GMDS: variants seen among roughly 807,000 people sequenced by gnomAD.
The protein encoded by GMDS is GDP-mannose 4,6 dehydratase.
In GMDS, 20 loss-of-function variants were observed where a neutral mutation model predicts 49.9. That is an observed-to-expected ratio of 0.40 (90% confidence interval 0.28 to 0.58). The LOEUF (loss-of-function observed/expected upper bound fraction) is 0.58. Among genes scored for constraint, GMDS ranks in the 20% least tolerant of loss-of-function variants. GMDS has a pLI of 0.42. For missense variants in GMDS, 362 were observed against 481.4 expected, an observed-to-expected ratio of 0.75 and a Z score of 2.32; for synonymous variants, 177 against 178.6, an observed-to-expected ratio of 0.99 and a Z score of 0.07.
intron 4 of GMDS, among the ~76,000 whole-genome samples, chr6:2,093,307 T>C (rs1773422548): frequency 6.6e-6 from 1 of 152,142 alleles, no homozygotes; most frequent in Non-Finnish European, 1.5e-5. Flanking sequence ...AAAACACAAA[T>C]AAGTACAAAT....
intron 6 of GMDS, among the ~76,000 whole-genome samples, chr6:1,957,383 C>T (rs1484428513): frequency 6.6e-6 from 1 of 152,160 alleles, no homozygotes; most frequent in Admixed American, 6.5e-5. Flanking sequence ...TGGAAAACAA[C>T]ATTACTGTCA....
chr6:2,009,695 CT>C (rs1460762820), intron 4 of GMDS, among the ~76,000 whole-genome samples: 1 of 152,046 alleles, frequency 6.6e-6, no homozygotes, highest in African/African-American at 2.4e-5. Flanking sequence ...GAGATGAAAA[CT>C]GGTAAAGATA....
chr6:2,067,074 A>T (rs2127454556), intron 4 of GMDS, among the ~76,000 whole-genome samples: 1 of 151,662 alleles, frequency 6.6e-6, no homozygotes, highest in South Asian at 2.1e-4. Flanking sequence ...CTCTCAGACC[A>T]CAGTGCAATC....
chr6:1,926,788 T>C (rs1762029076), intron 7 of GMDS, among the ~76,000 whole-genome samples: 1 of 152,218 alleles, frequency 6.6e-6, no homozygotes, highest in Non-Finnish European at 1.5e-5. Context: ...AATTTAGACT[T>C]TGTTCAGAAC....
chr6:1,942,474 C>T (rs907415347), intron 6 of GMDS, among the ~76,000 whole-genome samples: 1 of 152,188 alleles, frequency 6.6e-6, no homozygotes, highest in African/African-American at 2.4e-5. Context: ...CCCAAGCTGG[C>T]CCAAAGCACC....
At chr6:1,909,309 T>C (rs1252660174) in intron 7 of GMDS, among the ~76,000 whole-genome samples, 2 of 152,216 alleles carry the variant, frequency 1.3e-5, no homozygotes, top group African/African-American at 4.8e-5. Context: ...AAATTCCCAC[T>C]TGACAATTTA....
chr6:2,090,051 T>C (rs1269578385), intron 4 of GMDS, among the ~76,000 whole-genome samples: 1 of 152,244 alleles, frequency 6.6e-6, no homozygotes, highest in East Asian at 1.9e-4. Context: ...ACAGCCTAAA[T>C]TTGTAGCTTA....
intron 9 of GMDS, among the ~76,000 whole-genome samples, chr6:1,692,104 C>T (rs553870398): frequency 6.6e-6 from 1 of 152,342 alleles, no homozygotes; most frequent in Non-Finnish European, 1.5e-5. Context: ...ATCTTCCTCC[C>T]ATGCTAGATG....
At chr6:1,734,041 A>C (rs1387904647) in intron 8 of GMDS, among the ~76,000 whole-genome samples, 2 of 152,182 alleles carry the variant, frequency 1.3e-5, no homozygotes, top group African/African-American at 4.8e-5. Context: ...GCACTGCTTT[A>C]ATCACAGAGC....
chr6:1,722,938 C>A (rs1766435820), intron 9 of GMDS, among the ~76,000 whole-genome samples: 1 of 152,174 alleles, frequency 6.6e-6, no homozygotes, highest in Admixed American at 6.5e-5. Context: ...TTTCCAGGAT[C>A]AGGCTCTCTG....
intron 6 of GMDS, 51 bp from the exon 7 acceptor site, chr6:1,930,281 A>G: frequency 6.4e-7 from 1 of 1,550,606 alleles, no homozygotes. Flanking sequence ...TGACACATTT[A>G]ACAGTTTGGT....
At chr6:2,245,280 C>A (rs1360633956) in intron 1 of GMDS, 41 bp downstream of exon 1, 1 of 1,337,548 alleles carries the variant, frequency 7.5e-7, no homozygotes, top group Admixed American at 2.0e-5. Flanking sequence ...GCACGCGTGC[C>A]CAGGCTGCCT....
chr6:2,041,254 A>G (rs1447921100), intron 4 of GMDS, among the ~76,000 whole-genome samples: 1 of 152,242 alleles, frequency 6.6e-6, no homozygotes, highest in Non-Finnish European at 1.5e-5. Context: ...AGGTGAAAAA[A>G]AGATTAGATA....
chr6:2,245,272 A>T (rs1177478788), intron 1 of GMDS, 49 bp downstream of exon 1: 1 of 1,236,014 alleles, frequency 8.1e-7, no homozygotes, highest in Non-Finnish European at 1.1e-6. Context: ...TAGGGAGAGC[A>T]CGCGTGCCCA....
At chr6:2,018,845 T>C (rs181631848) in intron 4 of GMDS, among the ~76,000 whole-genome samples, 2 of 152,198 alleles carry the variant, frequency 1.3e-5, no homozygotes, top group Admixed American at 1.3e-4. Flanking sequence ...CTTTGGGGTA[T>C]ATATCTAGGG....
At position 2,015,965 on chromosome 6, in the gene GMDS, T is replaced by C. The variant is rs370437005; in HGVS notation, c.346-54999A>G. Among the ~76,000 whole-genome samples the C allele has an allele frequency of 1.1e-3, 163 of 150,626 alleles. 2 individuals carry two copies. In the South Asian group the frequency reaches 0.032, roughly 29 times the overall value. On this transcript the variant is annotated intron_variant, in intron 4 of 10. Transcript: ENST00000380815. ...TTTCACCTTAAAGGAAGGCTAGATG[T>C]AGCAGCACAGGTCTGTAATCCCAGC...
intron 1 of GMDS, among the ~76,000 whole-genome samples, chr6:2,169,695 T>A (rs1047858658): frequency 2.7e-5 from 4 of 150,578 alleles, no homozygotes; most frequent in Non-Finnish European, 4.4e-5. Flanking sequence ...ATCAGAAGAA[T>A]AACTTATTTT....
chr6:2,106,841 C>T (rs367927515), intron 4 of GMDS, among the ~76,000 whole-genome samples: 10 of 146,482 alleles, frequency 6.8e-5, no homozygotes, highest in East Asian at 3.9e-4. Context: ...CCAGCCTGGG[C>T]GACAGAGCGA....
intron 9 of GMDS, among the ~76,000 whole-genome samples, chr6:1,684,451 G>A (rs1380628307): frequency 6.6e-6 from 1 of 152,166 alleles, no homozygotes; most frequent in Non-Finnish European, 1.5e-5. Context: ...CAACCCAAAT[G>A]AGCTTCAGGT....
Sources: gnomAD v4.1 joint callset for allele counts (sites outside exome capture counted in the v4.1 genomes callset) on GRCh38, gnomAD v4.1.1 for gene constraint, MANE v1.5 for transcripts, NCBI Gene and HGNC (gene_info 2026-07-23, HGNC 2026-07-21) for gene names.